ADRA1A: variants seen among roughly 807,000 people sequenced by gnomAD.
ADRA1A encodes the protein adrenoceptor alpha 1A.
A neutral mutation model predicts 29.6 loss-of-function variants in ADRA1A; 31 were observed. The ratio of observed to expected loss-of-function variants is 1.05; its 90% CI spans 0.79 to 1.41. The LOEUF is 1.41. Ranked by LOEUF, ADRA1A falls within the 40% of genes most tolerant of loss-of-function variation. ADRA1A has a pLI of 0.00. For missense variants in ADRA1A, 619 were observed against 601.1 expected, an observed-to-expected ratio of 1.03 and a Z score of -0.31; for synonymous variants, 311 against 254.3, an observed-to-expected ratio of 1.22 and a Z score of -2.12.
chr8:26,776,658 T>G (rs1452681871), intron 2 of ADRA1A, among the ~76,000 whole-genome samples: 1 of 152,224 alleles, frequency 6.6e-6, no homozygotes, highest in Admixed American at 6.5e-5. Context: ...TGTCCAGCTT[T>G]CACTGAATGA....
chr8:26,864,922 T>C lies in ADRA1A; in HGVS notation c.48A>G (p.Gln16=). ...GNASDSSNCT[Q]PPAPVNISKA... ...TGGAAATGTTCACCGGTGCCGGCGG[T>C]TGGGTGCAGTTGGAGCTGTCGGAAG... The change falls in exon 2 of 3, where the codon CAA becomes CAG. Residue 16 remains glutamine (Q), a synonymous_variant. Transcript: ENST00000380573. The surrounding 1 kb of genome is among the most constrained non-coding windows in gnomAD (Gnocchi z 8.1). 1 of 1,612,348 alleles carries C rather than the reference T, an allele frequency of 6.2e-7. No individual in the cohort carries two copies. Among genetic ancestry groups the C allele is most frequent in the African/African-American group, 1.3e-5 (1 of 74,726 alleles).
Position 26,865,283 on chromosome 8 carries a change from T to A in ADRA1A, c.-314A>T. ...GACTCCCTCCCTACCCGAAGCTGGG[T>A]GCGAAGATCCAGGAGACTCCTTGCA... On this transcript the variant is annotated 5_prime_UTR_variant, in exon 2 of 3. Transcript: ENST00000380573. The surrounding 1 kb of genome is among the most constrained non-coding windows in gnomAD (Gnocchi z 7.6). The A allele has an allele frequency of 1.6e-6, 2 of 1,229,790 alleles. No homozygotes were observed. The highest frequency in any genetic ancestry group is 4.1e-5 in the East Asian group (1 of 24,552). 76.2% of individuals were successfully genotyped at this position (1,229,790 alleles called of 1,614,324 possible). A position where few individuals can be genotyped will look rare whatever the true frequency, so the allele number is the denominator to read the frequency against.
chr8:26,861,609 C>T (rs1813472730), intron 2 of ADRA1A, among the ~76,000 whole-genome samples: 1 of 152,136 alleles, frequency 6.6e-6, no homozygotes, highest in Non-Finnish European at 1.5e-5. Flanking sequence ...TCCCTACTTG[C>T]CATCTCTACT....
exon 3 of ADRA1A, chr8:26,748,543 A>G: frequency 1.1e-5 from 4 of 354,914 alleles, no homozygotes; most frequent in South Asian, 8.8e-5. Flanking sequence ...GATCGAGATC[A>G]TCCTGGCCAA....
chr8:26,843,307 C>T (rs1477183765), intron 2 of ADRA1A, among the ~76,000 whole-genome samples: 2 of 152,216 alleles, frequency 1.3e-5, no homozygotes, highest in East Asian at 1.9e-4. Context: ...GATGTGACAA[C>T]ATCTGAGAGC....
intron 2 of ADRA1A, chr8:26,853,628 GATT>G (rs1812791479): frequency 6.6e-6 from 1 of 152,128 alleles, no homozygotes; most frequent in Non-Finnish European, 1.5e-5. Context: ...GGAAATGATG[GATT>G]ATTTGATAAG....
intron 2 of ADRA1A, chr8:26,859,064 G>A: frequency 1.6e-6 from 2 of 1,280,530 alleles, no homozygotes; most frequent in South Asian, 2.5e-5. Flanking sequence ...TATTAAACAT[G>A]GGTGTTTCAC....
rs1563322441 is a variant in ADRA1A at position 26,864,862 on chromosome 8, G to T, written c.108C>A (p.Leu36=). 6.2e-7 allele frequency: 1 copy of T among 1,614,090 alleles called. No individual in the cohort carries two copies. Among genetic ancestry groups the T allele is most frequent in the Non-Finnish European group, 8.5e-7 (1 of 1,180,020 alleles). ...TGTTACCCAGCACCCCGAAAAGAAT[G>T]AGGCCCCCCAAGATCACCCCGAGCA... ...AILLGVILGG[L]ILFGVLGNIL... Residue 36 remains leucine (L), a synonymous_variant, in exon 2 of 3, where the codon CTC becomes CTA. Coordinates refer to ENST00000380573, the MANE Select transcript of ADRA1A (RefSeq NM_000680.4). The surrounding 1 kb of genome is among the most constrained non-coding windows in gnomAD (Gnocchi z 8.1).
intron 2 of ADRA1A, among the ~76,000 whole-genome samples, chr8:26,794,251 A>G (rs988199253): frequency 2.6e-5 from 4 of 152,120 alleles, no homozygotes; most frequent in African/African-American, 9.7e-5. Flanking sequence ...GTGATACACC[A>G]TTAGATTCTG....
intron 2 of ADRA1A, among the ~76,000 whole-genome samples, chr8:26,801,931 A>G (rs116530460): frequency 0.017 from 2,639 of 152,298 alleles, 69 homozygotes; most frequent in African/African-American, 0.057. Flanking sequence ...GAACCCAGAA[A>G]TAAATTCATA....
At position 26,867,103 on chromosome 8, in the gene ADRA1A, T is replaced by C; in HGVS notation, c.-854A>G. 1.0e-6 allele frequency: 1 copy of C among 985,472 alleles called. No homozygotes were observed. Among genetic ancestry groups the C allele is most frequent in the Non-Finnish European group, 1.2e-6 (1 of 829,940 alleles). 61.0% of individuals were successfully genotyped at this position (985,472 alleles called of 1,614,324 possible). On this transcript the variant is annotated 5_prime_UTR_variant, in exon 1 of 3. Transcript: ENST00000380573. ...CGCTGACTCACCCCTCCACCACTGA[T>C]GTCTTTAAGCTCCTGAACCGCTGTC... is the stretch of plus-strand genomic sequence containing the variant.
chr8:26,756,386 T>C, downstream of ADRA1A: 3 of 1,264,364 alleles, frequency 2.4e-6, no homozygotes, highest in Non-Finnish European at 3.0e-6. Context: ...TGGGGTGCCT[T>C]ATGGAATTCC....
At chr8:26,840,756 A>G (rs1465594328) in intron 2 of ADRA1A, among the ~76,000 whole-genome samples, 1 of 152,238 alleles carries the variant, frequency 6.6e-6, no homozygotes, top group African/African-American at 2.4e-5. Flanking sequence ...CTTAAAGGTC[A>G]AGTTTTGTCT....
intron 2 of ADRA1A, among the ~76,000 whole-genome samples, chr8:26,795,963 T>A (rs1421605673): frequency 6.6e-6 from 1 of 152,102 alleles, no homozygotes; most frequent in Non-Finnish European, 1.5e-5. Context: ...TCAATTCAAA[T>A]AAAAAAGTTC....
chr8:26,758,331 A>G (rs1460485568), intron 2 of ADRA1A, among the ~76,000 whole-genome samples: 1 of 152,222 alleles, frequency 6.6e-6, no homozygotes, highest in African/African-American at 2.4e-5. Flanking sequence ...AGGAAAGTGA[A>G]GGACTTATTT....
intron 2 of ADRA1A, among the ~76,000 whole-genome samples, chr8:26,808,655 T>C (rs1199516053): frequency 6.6e-6 from 1 of 152,242 alleles, no homozygotes; most frequent in Non-Finnish European, 1.5e-5. Context: ...GAGGTTTTCC[T>C]AGTGAAAAGT....
chr8:26,785,465 A>G (rs1027463356), intron 2 of ADRA1A, among the ~76,000 whole-genome samples: 1 of 152,222 alleles, frequency 6.6e-6, no homozygotes, highest in Non-Finnish European at 1.5e-5. Flanking sequence ...AGGGTTACAC[A>G]GCCAGTGAGC....
At chr8:26,826,386 T>C (rs1321279829) in intron 2 of ADRA1A, among the ~76,000 whole-genome samples, 3 of 152,226 alleles carry the variant, frequency 2.0e-5, no homozygotes, top group Non-Finnish European at 4.4e-5. Context: ...CAGGGTCACA[T>C]TATGACTTTT....
chr8:26,772,859 TCA>T (rs71553824), intron 2 of ADRA1A, among the ~76,000 whole-genome samples: 57 of 102,468 alleles, frequency 5.6e-4, no homozygotes, highest in Admixed American at 1.8e-3. Context: ...TGTCTCAAAT[TCA>T]CACACACACA....
Sources: allele counts gnomAD v4.1 joint callset (sites outside exome capture counted in the v4.1 genomes callset), GRCh38; gene constraint gnomAD v4.1.1; non-coding constraint Gnocchi (gnomAD v3.1); transcripts MANE v1.5; gene names NCBI Gene and HGNC (gene_info 2026-07-23, HGNC 2026-07-21).